The following NAF1 variants were observed in gnomAD, a reference collection of about 807,000 sequenced individuals.
NAF1 encodes the protein nuclear assembly factor 1 ribonucleoprotein, also known as H/ACA ribonucleoprotein complex non-core subunit NAF1.
A neutral mutation model predicts 40.6 loss-of-function variants in NAF1; 11 were observed. The ratio of observed to expected loss-of-function variants is 0.27; its 90% CI spans 0.17 to 0.45. The LOEUF is 0.45. Among genes scored for constraint, NAF1 ranks in the 20% least tolerant of loss-of-function variants. The pLI, the probability that NAF1 is intolerant of heterozygous loss-of-function variation, is 1.00. For missense variants in NAF1, 607 were observed against 611.1 expected (o/e 0.99, Z 0.07); for synonymous variants, 260 against 228.5 (o/e 1.14, Z -1.24).
intron 2 of NAF1, among the ~76,000 whole-genome samples, chr4:163,116,811 C>T (rs1730352728): frequency 6.6e-6 from 1 of 152,088 alleles, no homozygotes; most frequent in African/African-American, 2.4e-5. Flanking sequence ...AAATATATCC[C>T]TTTTTTCAGG....
chr4:163,163,640 C>T (rs999179388), intron 2 of NAF1, among the ~76,000 whole-genome samples: 1 of 151,956 alleles, frequency 6.6e-6, no homozygotes, highest in African/African-American at 2.4e-5. Context: ...GTTAACTTTG[C>T]AAACCAAACC....
At chr4:163,149,581 C>T (rs1034642457) in intron 2 of NAF1, among the ~76,000 whole-genome samples, 3 of 152,066 alleles carry the variant, frequency 2.0e-5, no homozygotes, top group African/African-American at 7.2e-5. Context: ...CAGCAACATG[C>T]CTTTGTATGG....
At chr4:163,161,843 ATAGGGCT>A (rs1488289363) in intron 2 of NAF1, among the ~76,000 whole-genome samples, 2 of 152,162 alleles carry the variant, frequency 1.3e-5, no homozygotes, top group East Asian at 3.9e-4. Context: ...TGTGGTTTAT[ATAGGGCT>A]GATATTACAC....
chr4:163,140,184 T>C (rs1731203065), intron 5 of NAF1, 39 bp downstream of exon 5: 2 of 1,478,756 alleles, frequency 1.4e-6, no homozygotes, highest in East Asian at 4.7e-5. Flanking sequence ...AATATAAACG[T>C]TAGGTAAGTG....
intron 2 of NAF1, among the ~76,000 whole-genome samples, chr4:163,152,319 A>G (rs563963998): frequency 6.6e-6 from 1 of 152,348 alleles, no homozygotes; most frequent in Non-Finnish European, 1.5e-5. Context: ...AATTTCCTGT[A>G]AGTTGAGCAG....
downstream of NAF1, among the ~76,000 whole-genome samples, chr4:163,122,498 A>G (rs976894669): frequency 1.3e-5 from 2 of 152,214 alleles, no homozygotes; most frequent in South Asian, 2.1e-4. Flanking sequence ...CCACTAGTAC[A>G]TATTAATAAT....
intron 4 of NAF1, chr4:163,141,826 C>T (rs547387601): frequency 4.7e-6 from 2 of 422,686 alleles, no homozygotes; most frequent in East Asian, 3.2e-4. Context: ...TGTTTTATCA[C>T]ATCCTCAGTT....
At chr4:163,136,853 A>G (rs531610507) in intron 6 of NAF1, among the ~76,000 whole-genome samples, 20 of 152,214 alleles carry the variant, frequency 1.3e-4, no homozygotes, top group Non-Finnish European at 2.5e-4. Context: ...TGTATTTACT[A>G]AACTCAATTA....
intron 2 of NAF1, among the ~76,000 whole-genome samples, chr4:163,112,115 G>A (rs1486454795): frequency 1.4e-4 from 21 of 151,868 alleles, no homozygotes; most frequent in Non-Finnish European, 1.5e-5. Context: ...CTGGTGAAAT[G>A]GGCCAAAGCA....
In NAF1 at chr4:163,164,239, G is replaced by A. The variant is rs772719700; in HGVS notation, c.518C>T (p.Thr173Ile). 2 of 1,558,888 alleles carry A rather than the reference G, an allele frequency of 1.3e-6. No individual in the cohort carries two copies. The highest frequency in any genetic ancestry group is 1.7e-6 in the Non-Finnish European group (2 of 1,156,606). Reference sequence around the variant, plus strand: ...TACATTAAGAAGTAATTCATCTTTTGTTTTAAGAGGAAAATTCTTATTTTC... The same window carrying A: ...TACATTAAGAAGTAATTCATCTTTTATTTTAAGAGGAAAATTCTTATTTTC... ...EKENKNFPLK[T>I]KDELLLNELP... The change falls in exon 2 of 8, where the codon ACA becomes ATA. Residue 173 changes from threonine (T) to isoleucine (I), a missense_variant. Thr to Ile is a moderately conservative substitution (Grantham distance 89, BLOSUM62 -1). Coordinates refer to ENST00000274054, the MANE Select transcript of NAF1 (RefSeq NM_138386.3).
At chr4:163,105,552 TC>T (rs1414169976), downstream of NAF1, among the ~76,000 whole-genome samples, 1 of 152,222 alleles carries the variant, frequency 6.6e-6, no homozygotes, top group African/African-American at 2.4e-5. Flanking sequence ...TCTCATGCTG[TC>T]TCTAAACTTT....
chr4:163,153,346 A>G (rs960820549), intron 2 of NAF1, among the ~76,000 whole-genome samples: 1 of 152,268 alleles, frequency 6.6e-6, no homozygotes. Flanking sequence ...GAGTCTCTAT[A>G]TCTAGCTCTG....
chr4:163,115,121 G>C (rs1456278316), intron 2 of NAF1, among the ~76,000 whole-genome samples: 2 of 151,576 alleles, frequency 1.3e-5, no homozygotes, highest in East Asian at 3.9e-4. Context: ...GGATCATTAG[G>C]ACCACAGGCA....
chr4:163,145,490 T>A (rs1396469411), intron 4 of NAF1, among the ~76,000 whole-genome samples: 1 of 152,224 alleles, frequency 6.6e-6, no homozygotes, highest in East Asian at 1.9e-4. Flanking sequence ...TAGGAAACGA[T>A]GTGTTATGCA....
intron 2 of NAF1, among the ~76,000 whole-genome samples, chr4:163,155,644 ATTAGATTAACACT>A (rs1731956716): frequency 6.6e-6 from 1 of 152,196 alleles, no homozygotes; most frequent in African/African-American, 2.4e-5. Context: ...TATTACAATT[ATTAGATTAACACT>A]TGGCTCCCTG....
intron 3 of NAF1, among the ~76,000 whole-genome samples, chr4:163,146,949 T>G (rs1731495489): frequency 6.6e-6 from 1 of 152,214 alleles, no homozygotes; most frequent in Non-Finnish European, 1.5e-5. Flanking sequence ...GAGTTTACAT[T>G]TATTTTTTTG....
chr4:163,109,533 GA>G (rs893354902), downstream of NAF1, among the ~76,000 whole-genome samples: 17 of 151,738 alleles, frequency 1.1e-4, no homozygotes, highest in African/African-American at 3.6e-4. Flanking sequence ...TGTCTAGGAA[GA>G]AAAAAAATCC....
At chr4:163,108,322 A>T (rs560627216), downstream of NAF1, among the ~76,000 whole-genome samples, 148 of 152,350 alleles carry the variant, frequency 9.7e-4, no homozygotes, top group Non-Finnish European at 1.8e-3. Flanking sequence ...TACCTAGATC[A>T]TGGCATATGG....
chr4:163,136,901 C>T (rs998335754), intron 6 of NAF1, among the ~76,000 whole-genome samples: 2 of 152,082 alleles, frequency 1.3e-5, no homozygotes, highest in African/African-American at 4.8e-5. Flanking sequence ...CTTTATCAGA[C>T]ATCAACAAAG....
Sources: allele counts gnomAD v4.1 joint callset (sites outside exome capture counted in the v4.1 genomes callset), GRCh38; gene constraint gnomAD v4.1.1; transcripts MANE v1.5; gene names NCBI Gene and HGNC (gene_info 2026-07-23, HGNC 2026-07-21).